ANLN: variants seen among roughly 807,000 people sequenced by gnomAD.
ANLN encodes the protein anillin, actin binding protein.
In ANLN, 59 loss-of-function variants were observed where a neutral mutation model predicts 135.1. The ratio of observed to expected loss-of-function variants is 0.44; its 90% CI spans 0.35 to 0.54. The LOEUF is 0.54. ANLN is among the 20% of genes least tolerant of loss of function. The pLI, the probability that ANLN is intolerant of heterozygous loss-of-function variation, is 0.00. For synonymous variants in ANLN, 406 were observed against 456.4 expected (o/e 0.89, Z 1.41); for missense variants, 1,182 against 1,340.0 (o/e 0.88, Z 1.84).
intron 20 of ANLN, among the ~76,000 whole-genome samples, chr7:36,433,220 G>A (rs1359057406): frequency 6.6e-6 from 1 of 152,130 alleles, no homozygotes; most frequent in Non-Finnish European, 1.5e-5. Flanking sequence ...TCCATCTGAA[G>A]TCATTGTCCT....
intron 20 of ANLN, among the ~76,000 whole-genome samples, chr7:36,438,267 T>G (rs1788626851): frequency 6.6e-6 from 1 of 152,246 alleles, no homozygotes; most frequent in Non-Finnish European, 1.5e-5. Flanking sequence ...CTTGGCATCC[T>G]TGGCAAAAAT....
intron 7 of ANLN, among the ~76,000 whole-genome samples, chr7:36,413,576 G>C (rs186317446): frequency 6.6e-6 from 1 of 152,322 alleles, no homozygotes; most frequent in East Asian, 1.9e-4. Flanking sequence ...CTCCCAGAAA[G>C]TTGCACATAT....
At chr7:36,443,406 G>A (rs977393612) in intron 21 of ANLN, among the ~76,000 whole-genome samples, 6 of 152,118 alleles carry the variant, frequency 3.9e-5, no homozygotes, top group Admixed American at 2.0e-4. Context: ...ATAAGGTATG[G>A]TAATTTTGTA....
At chr7:36,422,938 T>G (rs1033200326) in intron 14 of ANLN, 129 bp downstream of exon 14, 2 of 718,224 alleles carry the variant, frequency 2.8e-6, no homozygotes, top group African/African-American at 1.8e-5. Context: ...TAGGTCCTTT[T>G]ATTGAGATAT....
At chr7:36,413,624 A>G (rs771910719) in intron 7 of ANLN, among the ~76,000 whole-genome samples, 1 of 152,240 alleles carries the variant, frequency 6.6e-6, no homozygotes, top group Non-Finnish European at 1.5e-5. Context: ...AACAGTGCAG[A>G]GCACTCATCT....
intron 1 of ANLN, among the ~76,000 whole-genome samples, chr7:36,394,792 G>A (rs530109862): frequency 1.3e-5 from 2 of 152,188 alleles, no homozygotes; most frequent in South Asian, 4.2e-4. Flanking sequence ...AGTATGCAAG[G>A]CAGTAATAAT....
chr7:36,405,767 T>A (rs1050880051), intron 3 of ANLN, among the ~76,000 whole-genome samples: 1 of 152,252 alleles, frequency 6.6e-6, no homozygotes, highest in Non-Finnish European at 1.5e-5. Context: ...TGCTCATTAG[T>A]CACAAGTGGC....
intron 23 of ANLN, among the ~76,000 whole-genome samples, chr7:36,450,243 T>G (rs1348004879): frequency 6.6e-6 from 1 of 152,216 alleles, no homozygotes; most frequent in East Asian, 1.9e-4. Context: ...CTCATTCTAT[T>G]CTGCAAATTT....
In ANLN at chr7:36,390,026, G is replaced by T. The variant is rs199983839; in HGVS notation, c.-1G>T. On this transcript the variant is annotated 5_prime_UTR_variant, in exon 1 of 24. Coordinates refer to ENST00000265748, the MANE Select transcript of ANLN (RefSeq NM_018685.5). ...CGTCTCGTAGTCCGACGCCTGGGGC[G>T]ATGGATCCGTTTACGGAGGTGAGTG... 2.4e-4 allele frequency: 388 copies of T among 1,613,968 alleles called. 2 individuals are homozygous for T. Among genetic ancestry groups the T allele is most frequent in the Middle Eastern group, 5.0e-4 (3 of 6,028 alleles).
intron 23 of ANLN, 99 bp from the exon 24 acceptor site, chr7:36,452,378 T>C (rs993484125): frequency 1.6e-5 from 24 of 1,482,696 alleles, no homozygotes; most frequent in Non-Finnish European, 2.2e-5. Context: ...GTAATTCATT[T>C]ACTGGTTTAT....
intron 1 of ANLN, chr7:36,390,332 C>G (rs1003989117): frequency 4.1e-6 from 2 of 489,072 alleles, no homozygotes; most frequent in Non-Finnish European, 7.4e-6. Context: ...TACCATGTCC[C>G]TCTGCAGTCC....
chr7:36,435,872 CAAAAAAAAAA>C (rs57379889), intron 20 of ANLN, among the ~76,000 whole-genome samples: 11 of 52,226 alleles, frequency 2.1e-4, no homozygotes, highest in Non-Finnish European at 1.9e-4. Context: ...GACTCCGTCT[CAAAAAAAAAA>C]AAAAAAAAAA....
At chr7:36,447,466 C>G (rs920796018) in intron 22 of ANLN, among the ~76,000 whole-genome samples, 2 of 149,140 alleles carry the variant, frequency 1.3e-5, no homozygotes, top group Non-Finnish European at 3.0e-5. Flanking sequence ...GCTCTGTCGC[C>G]CAGGCTGGAG....
chr7:36,439,820 G>A (rs892568080), intron 21 of ANLN, among the ~76,000 whole-genome samples: 1 of 152,226 alleles, frequency 6.6e-6, no homozygotes, highest in Non-Finnish European at 1.5e-5. Context: ...GGGCATGCAT[G>A]TGATTGGTGG....
intron 22 of ANLN, 50 bp downstream of exon 22, chr7:36,443,912 G>T (rs1159974476): frequency 1.5e-6 from 2 of 1,312,398 alleles, no homozygotes; most frequent in Non-Finnish European, 2.1e-6. Context: ...TGACTTTCGT[G>T]TAGTGTTCAT....
chr7:36,416,207 G>T (rs1787634828), intron 8 of ANLN, among the ~76,000 whole-genome samples: 2 of 152,052 alleles, frequency 1.3e-5, no homozygotes, highest in Non-Finnish European at 2.9e-5. Flanking sequence ...TTTTAGTAGA[G>T]ATGGGGTTTC....
chr7:36,428,284 G>A (rs1490222337), intron 20 of ANLN: 4 of 1,221,896 alleles, frequency 3.3e-6, no homozygotes, highest in African/African-American at 3.2e-5. Context: ...TTTTTTCTCT[G>A]TCTCTTATTT....
At position 36,390,013 on chromosome 7, in the gene ANLN, C is replaced by T. The variant is rs925438242; in HGVS notation, c.-14C>T. 2.5e-6 allele frequency: 4 copies of T among 1,614,072 alleles called. 1 individual carries two copies. The Admixed American group carries it at 6.7e-5, about 27-fold the overall frequency. ...CCACCGTTTCCATCGTCTCGTAGTCCGACGCCTGGGGCGATGGATCCGTTT... is the reference window on the plus strand; with the variant it reads ...CCACCGTTTCCATCGTCTCGTAGTCTGACGCCTGGGGCGATGGATCCGTTT... On this transcript the variant is annotated 5_prime_UTR_variant, in exon 1 of 24. Coordinates refer to ENST00000265748, the MANE Select transcript of ANLN (RefSeq NM_018685.5).
intron 20 of ANLN, among the ~76,000 whole-genome samples, chr7:36,438,779 G>A (rs1055885083): frequency 2.0e-5 from 3 of 152,154 alleles, no homozygotes; most frequent in Admixed American, 2.0e-4. Flanking sequence ...GTTGTTTGGG[G>A]TCTCTTGCAA....
Sources: gnomAD v4.1 joint callset for allele counts (sites outside exome capture counted in the v4.1 genomes callset) on GRCh38, gnomAD v4.1.1 for gene constraint, MANE v1.5 for transcripts, NCBI Gene and HGNC (gene_info 2026-07-23, HGNC 2026-07-21) for gene names.